C8A: variants seen among roughly 807,000 people sequenced by gnomAD.
C8A encodes complement C8 alpha chain, also known as complement component C8 alpha chain.
C8A carries 67 observed loss-of-function variants against 65.3 expected under a neutral mutation model. The observed-to-expected ratio is 1.03, with a 90% CI of 0.84 to 1.26. The LOEUF is 1.26. Ranked by LOEUF, C8A falls within the 50% of genes most tolerant of loss-of-function variation. The pLI is 0.00. For synonymous variants in C8A, 290 were observed against 259.4 expected, an observed-to-expected ratio of 1.12 and a Z score of -1.13; for missense variants, 781 against 723.9, an observed-to-expected ratio of 1.08 and a Z score of -0.90.
intron 7 of C8A, among the ~76,000 whole-genome samples, chr1:56,888,083 T>TA (rs1644315332): frequency 6.6e-6 from 1 of 152,182 alleles, no homozygotes; most frequent in Non-Finnish European, 1.5e-5. Flanking sequence ...TATACCTACG[T>TA]AACAAACCTG....
intron 7 of C8A, among the ~76,000 whole-genome samples, chr1:56,891,595 G>A (rs372428258): frequency 5.3e-5 from 8 of 152,274 alleles, no homozygotes; most frequent in African/African-American, 1.9e-4. Context: ...GAAAGAATAT[G>A]ATAGATTTGG....
chr1:56,899,173 G>A (rs187297148), intron 7 of C8A, among the ~76,000 whole-genome samples: 1 of 152,132 alleles, frequency 6.6e-6, no homozygotes, highest in Admixed American at 6.5e-5. Context: ...GCATATACAT[G>A]GAACTGAGAC....
intron 1 of C8A, among the ~76,000 whole-genome samples, chr1:56,860,767 T>C (rs1024757730): frequency 9.2e-5 from 14 of 152,154 alleles, no homozygotes; most frequent in Non-Finnish European, 1.5e-5. Flanking sequence ...AGATGGTGTA[T>C]GAAGCCAAGG....
chr1:56,878,456 C>T (rs1344416580), intron 4 of C8A, among the ~76,000 whole-genome samples: 1 of 152,130 alleles, frequency 6.6e-6, no homozygotes, highest in Non-Finnish European at 1.5e-5. Context: ...TGGATCTTCT[C>T]CCACGTGATT....
intron 10 of C8A, 111 bp downstream of exon 10, chr1:56,912,736 T>G: frequency 6.5e-6 from 6 of 916,138 alleles, no homozygotes; most frequent in Non-Finnish European, 1.1e-5. Flanking sequence ...TCCTAGCCAA[T>G]ACCTAGGAGC....
At chr1:56,895,506 C>G (rs1644381442) in intron 7 of C8A, among the ~76,000 whole-genome samples, 1 of 152,034 alleles carries the variant, frequency 6.6e-6, no homozygotes, top group Admixed American at 6.6e-5. Flanking sequence ...GATGCCTTAA[C>G]CTAGGATTTT....
intron 7 of C8A, among the ~76,000 whole-genome samples, chr1:56,899,589 C>T (rs1047953104): frequency 6.6e-6 from 1 of 152,130 alleles, no homozygotes; most frequent in Non-Finnish European, 1.5e-5. Flanking sequence ...CTTGTCCTCC[C>T]CACTCGCTCC....
chr1:56,876,361 C>G, intron 4 of C8A, 152 bp downstream of exon 4: 1 of 880,112 alleles, frequency 1.1e-6, no homozygotes, highest in Non-Finnish European at 1.8e-6. Context: ...ATGGCTTGTC[C>G]AGTCCTGCCT....
intron 1 of C8A, among the ~76,000 whole-genome samples, chr1:56,858,231 G>A (rs1022751661): frequency 2.0e-5 from 3 of 152,110 alleles, no homozygotes; most frequent in Non-Finnish European, 2.9e-5. Context: ...GAAGGATTTA[G>A]TATCTAGCTT....
At chr1:56,885,873 T>C in intron 6 of C8A, 54 bp from the exon 7 acceptor site, 10 of 1,612,290 alleles carry the variant, frequency 6.2e-6, no homozygotes, top group Non-Finnish European at 6.8e-6. Flanking sequence ...TTTCTAATGG[T>C]AAAATATATG....
intron 1 of C8A, among the ~76,000 whole-genome samples, chr1:56,860,393 C>T (rs1644021667): frequency 6.6e-6 from 1 of 152,136 alleles, no homozygotes; most frequent in Admixed American, 6.5e-5. Flanking sequence ...GAACCTTAGG[C>T]ACCACAATGA....
At chr1:56,874,802 A>G (rs3738563) in intron 2 of C8A, 147 bp from the exon 3 acceptor site, 2 of 853,954 alleles carry the variant, frequency 2.3e-6, no homozygotes, top group African/African-American at 1.7e-5. Context: ...CTGTTTATGC[A>G]TATTCATCCC....
Position 56,885,425 on chromosome 1 carries a change from TAA to T in C8A, c.856-500_856-499del, listed in dbSNP as rs1277171054. The stretch of plus-strand genomic sequence containing the variant: ...ATATATATTTATTTAAATATATATT[TAA>T]ATATATATTTAAGTAAATATATATA... On this transcript the variant is annotated intron_variant, in intron 6 of 10. Transcript: ENST00000361249. Among the ~76,000 whole-genome samples, 36 of 90,954 alleles carry T rather than the reference TAA, an allele frequency of 4.0e-4. 1 individual carries two copies. The highest frequency in any genetic ancestry group is 3.2e-3 in the African/African-American group (33 of 10,200). 59.7% of individuals were successfully genotyped at this position (90,954 alleles called of 152,430 possible).
At chr1:56,887,159 C>T (rs1644306386) in intron 7 of C8A, among the ~76,000 whole-genome samples, 1 of 152,192 alleles carries the variant, frequency 6.6e-6, no homozygotes, top group Non-Finnish European at 1.5e-5. Flanking sequence ...GCTGGCTACT[C>T]CTTTTCTTCA....
intron 5 of C8A, among the ~76,000 whole-genome samples, chr1:56,882,466 G>A (rs1221928067): frequency 2.0e-5 from 3 of 152,112 alleles, no homozygotes; most frequent in Admixed American, 6.6e-5. Flanking sequence ...TGCAGTTGGT[G>A]GCAAAGACAA....
chr1:56,895,417 C>T (rs977687159), intron 7 of C8A, among the ~76,000 whole-genome samples: 1 of 152,000 alleles, frequency 6.6e-6, no homozygotes, highest in Admixed American at 6.6e-5. Context: ...AATAGCTTGC[C>T]CAAGGTCACA....
At chr1:56,860,006 G>A (rs1644016505) in intron 1 of C8A, among the ~76,000 whole-genome samples, 3 of 152,272 alleles carry the variant, frequency 2.0e-5, no homozygotes, top group Middle Eastern at 3.4e-3. Flanking sequence ...GAGGCTGCAG[G>A]GAGCCGAGAT....
At position 56,870,245 on chromosome 1, in the gene C8A, G is replaced by A. The variant is rs74834195; in HGVS notation, c.171+2543G>A. 3.0e-3 allele frequency among the ~76,000 whole-genome samples: 456 copies of A among 152,182 alleles called. 4 individuals are homozygous for A. Among genetic ancestry groups the A allele is most frequent in the African/African-American group, 0.011 (440 of 41,556 alleles). On this transcript the variant is annotated intron_variant, in intron 2 of 10. Coordinates refer to ENST00000361249, the MANE Select transcript of C8A (RefSeq NM_000562.3). ...CAGCAGAGCCATGCTCCCTCTTAGA[G>A]GCGCTAGAAGGGACTCTGTTACTAG...
At chr1:56,874,103 G>C (rs1644174189) in intron 2 of C8A, among the ~76,000 whole-genome samples, 1 of 152,146 alleles carries the variant, frequency 6.6e-6, no homozygotes, top group Admixed American at 6.5e-5. Flanking sequence ...GGTGCTTTCT[G>C]CATAATAGGC....
Sources: allele counts gnomAD v4.1 joint callset (sites outside exome capture counted in the v4.1 genomes callset), GRCh38; gene constraint gnomAD v4.1.1; transcripts MANE v1.5; gene names NCBI Gene and HGNC (gene_info 2026-07-23, HGNC 2026-07-21).